IQGAP2: variants seen among roughly 807,000 people sequenced by gnomAD.
IQGAP2 encodes ras GTPase-activating-like protein IQGAP2.
In IQGAP2, 173 loss-of-function variants were observed where a neutral mutation model predicts 201.3. That is an observed-to-expected ratio of 0.86 (90% confidence interval 0.76 to 0.98). IQGAP2 has a LOEUF of 0.98. Ranked by LOEUF, IQGAP2 falls within the 50% of genes least tolerant of loss-of-function variation. IQGAP2 has a pLI of 0.00. For synonymous variants in IQGAP2, 675 were observed against 673.9 expected (o/e 1.00, Z -0.03); for missense variants, 1,687 against 1,864.8 (o/e 0.90, Z 1.76).
intron 1 of IQGAP2, among the ~76,000 whole-genome samples, chr5:76,409,788 C>A (rs1751008289): frequency 6.6e-6 from 1 of 152,098 alleles, no homozygotes; most frequent in African/African-American, 2.4e-5. Context: ...GTGAAGCCGA[C>A]CTGTGAGCTG....
At chr5:76,689,798 C>G (rs1208885168) in intron 30 of IQGAP2, among the ~76,000 whole-genome samples, 3 of 152,102 alleles carry the variant, frequency 2.0e-5, no homozygotes, top group African/African-American at 7.2e-5. Flanking sequence ...TGAAAATATT[C>G]CTTAGTTTCC....
intron 13 of IQGAP2, chr5:76,623,148 C>A (rs79814375): frequency 6.2e-7 from 1 of 1,613,320 alleles, no homozygotes; most frequent in African/African-American, 1.3e-5. Flanking sequence ...CCATCCTACC[C>A]CCTGAGAAAA....
At chr5:76,563,901 G>A (rs1430707778) in intron 3 of IQGAP2, among the ~76,000 whole-genome samples, 1 of 152,080 alleles carries the variant, frequency 6.6e-6, no homozygotes, top group Non-Finnish European at 1.5e-5. Context: ...CTTTAAATAT[G>A]TATATTAAAT....
intron 13 of IQGAP2, among the ~76,000 whole-genome samples, chr5:76,615,056 T>C (rs1372380787): frequency 6.6e-6 from 1 of 152,202 alleles, no homozygotes; most frequent in African/African-American, 2.4e-5. Flanking sequence ...TCCTTTTGCC[T>C]CTTGGAAAGA....
At chr5:76,574,248 GAAC>G (rs1407079716) in intron 4 of IQGAP2, among the ~76,000 whole-genome samples, 3 of 152,106 alleles carry the variant, frequency 2.0e-5, no homozygotes, top group African/African-American at 4.8e-5. Context: ...GTGTGCTTAG[GAAC>G]AGAGAAGTTT....
chr5:76,445,351 G>A (rs1457779784), intron 1 of IQGAP2, among the ~76,000 whole-genome samples: 1 of 152,142 alleles, frequency 6.6e-6, no homozygotes, highest in African/African-American at 2.4e-5. Context: ...GCCTCATAGG[G>A]CTGTTGTGAA....
Position 76,403,854 on chromosome 5 carries a change from C to T in IQGAP2, c.46+263C>T, listed in dbSNP as rs1196695481. On this transcript the variant is annotated intron_variant, in intron 1 of 35. Coordinates refer to ENST00000274364, the MANE Select transcript of IQGAP2 (RefSeq NM_006633.5). This position sits in a 1 kb window ranked among gnomAD's most constrained non-coding sequence, Gnocchi z 4.8. ...ACCCAAACGGGGTGCGCGGGCAGTG[C>T]GGGGATTGCGCTCTGGGACAGACCA... Among the ~76,000 whole-genome samples the T allele has an allele frequency of 6.6e-6, 1 of 152,058 alleles. No homozygotes were observed. Among genetic ancestry groups the T allele is most frequent in the African/African-American group, 2.4e-5 (1 of 41,426 alleles).
intron 14 of IQGAP2, among the ~76,000 whole-genome samples, chr5:76,630,169 A>G (rs892212709): frequency 9.2e-5 from 14 of 152,212 alleles, no homozygotes; most frequent in African/African-American, 1.9e-4. Context: ...AGGCACACCA[A>G]TGTCAGTAAA....
At chr5:76,588,882 T>C in intron 5 of IQGAP2, 24 bp from the exon 6 acceptor site, 1 of 1,458,314 alleles carries the variant, frequency 6.9e-7, no homozygotes, top group East Asian at 2.3e-5. Context: ...AAATTTCTGA[T>C]AATTTTGTGT....
intron 2 of IQGAP2, among the ~76,000 whole-genome samples, chr5:76,512,525 T>C (rs1758031961): frequency 1.3e-5 from 2 of 152,192 alleles, no homozygotes; most frequent in Admixed American, 6.5e-5. Flanking sequence ...GGTGTCAGTC[T>C]GTAAAGAAAC....
At chr5:76,609,934 G>A (rs1000748217) in intron 12 of IQGAP2, among the ~76,000 whole-genome samples, 2 of 148,798 alleles carry the variant, frequency 1.3e-5, no homozygotes, top group African/African-American at 2.5e-5. Context: ...TTAATAATAA[G>A]GTATTGAGAA....
At chr5:76,688,985 C>G (rs1369428252) in intron 30 of IQGAP2, among the ~76,000 whole-genome samples, 1 of 151,826 alleles carries the variant, frequency 6.6e-6, no homozygotes, top group Non-Finnish European at 1.5e-5. Flanking sequence ...TACAACTTGT[C>G]GAGGGCAAGG....
intron 2 of IQGAP2, among the ~76,000 whole-genome samples, chr5:76,483,633 C>A (rs1007882439): frequency 6.6e-6 from 1 of 152,186 alleles, no homozygotes; most frequent in African/African-American, 2.4e-5. Context: ...CAGGTTTTCT[C>A]CTGGCCACCC....
intron 2 of IQGAP2, among the ~76,000 whole-genome samples, chr5:76,544,643 G>A (rs1742983176): frequency 1.3e-5 from 2 of 152,148 alleles, no homozygotes; most frequent in South Asian, 2.1e-4. Flanking sequence ...AGCCTACTGT[G>A]TAATGTTATG....
rs1288673490 is a variant in IQGAP2, at chr5:76,700,312, G to C, written c.4368-764G>C. 2.0e-5 allele frequency among the ~76,000 whole-genome samples: 3 copies of C among 152,168 alleles called. No individual in the cohort carries two copies. In the East Asian group the frequency reaches 5.8e-4, roughly 29 times the overall value. ...GGAATTAAGAGTACCAGCCTCACCA[G>C]CTTGGCTGACGTGGCGAAACTCCTT... On this transcript the variant is annotated intron_variant, in intron 33 of 35. Transcript: ENST00000274364.
chr5:76,527,594 T>C (rs1287282958), intron 2 of IQGAP2, among the ~76,000 whole-genome samples: 1 of 152,240 alleles, frequency 6.6e-6, no homozygotes, highest in Admixed American at 6.5e-5. Context: ...TAATAATTTA[T>C]TAAAACACTA....
intron 2 of IQGAP2, among the ~76,000 whole-genome samples, chr5:76,476,293 G>A (rs2150139957): frequency 6.6e-6 from 1 of 152,238 alleles, no homozygotes. Flanking sequence ...GAAATGAGTG[G>A]CAAGGTTAGG....
intron 12 of IQGAP2, among the ~76,000 whole-genome samples, chr5:76,610,076 CTATATATATATATA>C (rs869050901): frequency 2.5e-3 from 46 of 18,700 alleles, no homozygotes; most frequent in East Asian, 0.016. Context: ...CTCTCTCTCT[CTATATATATATATA>C]TATATATATA....
chr5:76,652,870 T>C, intron 18 of IQGAP2, 37 bp downstream of exon 18: 1 of 1,285,870 alleles, frequency 7.8e-7, no homozygotes, highest in Non-Finnish European at 1.1e-6. Context: ...GTGCTTGGCT[T>C]AAACGTTTCC....
Sources: gnomAD v4.1 joint callset for allele counts (sites outside exome capture counted in the v4.1 genomes callset) on GRCh38, gnomAD v4.1.1 for gene constraint, Gnocchi (gnomAD v3.1) non-coding constraint, MANE v1.5 for transcripts, NCBI Gene and HGNC (gene_info 2026-07-23, HGNC 2026-07-21) for gene names.